ZNF804B: variants seen among roughly 807,000 people sequenced by gnomAD.
The protein encoded by ZNF804B is zinc finger 804B.
In ZNF804B, 80 loss-of-function variants were observed where a neutral mutation model predicts 101.4. The observed-to-expected ratio is 0.79, with a 90% CI of 0.66 to 0.95. ZNF804B has a LOEUF of 0.95. Ranked by LOEUF, ZNF804B falls within the 40% of genes least tolerant of loss-of-function variation. The probability of loss-of-function intolerance (pLI) is 0.00; values close to 1 mark genes in which losing one functional copy is unlikely to be tolerated. For synonymous variants in ZNF804B, 622 were observed against 558.8 expected (o/e 1.11, Z -1.59); for missense variants, 1,673 against 1,561.9 (o/e 1.07, Z -1.20).
chr7:89,150,712 A>G (rs962530140), intron 1 of ZNF804B, among the ~76,000 whole-genome samples: 5 of 152,104 alleles, frequency 3.3e-5, no homozygotes, highest in Non-Finnish European at 7.4e-5. Context: ...TGAAATGCTT[A>G]CCTATCAGTG....
chr7:89,338,152 G>A lies in ZNF804B; in HGVS notation c.*1120G>A, dbSNP rs1020267831. 6.6e-6 allele frequency among the ~76,000 whole-genome samples: 1 copy of A among 152,010 alleles called. No homozygotes were observed. The highest frequency in any genetic ancestry group is 1.5e-5 in the Non-Finnish European group (1 of 67,948). On this transcript the variant is annotated 3_prime_UTR_variant, in exon 4 of 4. Coordinates refer to ENST00000333190, the MANE Select transcript of ZNF804B (RefSeq NM_181646.5). ...ATATTGGTGCATAATCCTACAGTTA[G>A]GTTTATTATTTTATGTTCTTAAGCA...
At chr7:88,894,566 C>A (rs887108701) in intron 1 of ZNF804B, among the ~76,000 whole-genome samples, 6 of 152,096 alleles carry the variant, frequency 3.9e-5, no homozygotes, top group African/African-American at 1.4e-4. Context: ...GAAAAACCAT[C>A]AGATAACAAT....
chr7:88,975,614 C>T (rs1430423656), intron 1 of ZNF804B, among the ~76,000 whole-genome samples: 1 of 151,312 alleles, frequency 6.6e-6, no homozygotes, highest in Non-Finnish European at 1.5e-5. Flanking sequence ...CATTCTTAAT[C>T]AGATTATGAA....
intron 2 of ZNF804B, among the ~76,000 whole-genome samples, chr7:89,278,483 G>T (rs1790026006): frequency 6.6e-6 from 1 of 150,716 alleles, no homozygotes; most frequent in South Asian, 2.1e-4. Context: ...TATGGTTTTA[G>T]GTCTAACGTT....
rs751577309 is a variant in ZNF804B, at chr7:89,218,235, G to C, written c.189G>C (p.Gln63His). 9.3e-6 allele frequency: 15 copies of C among 1,613,870 alleles called. No individual in the cohort carries two copies. The highest frequency in any genetic ancestry group is 1.3e-5 in the Non-Finnish European group (15 of 1,179,836). ...ANFYCELCDK[Q>H]YHKHQEFDNH... Reference sequence around the variant, plus strand: ...TTTACTGTGAATTATGTGACAAGCAGTATCACAAACACCAGGAGTTTGACA... The same window carrying C: ...TTTACTGTGAATTATGTGACAAGCACTATCACAAACACCAGGAGTTTGACA... The change falls in exon 2 of 4, where the codon CAG becomes CAC. Residue 63 changes from glutamine to histidine, a missense_variant. Physicochemically the swap from Gln to His is conservative, Grantham distance 24. Transcript: ENST00000333190.
At chr7:89,016,453 G>C (rs1480399428) in intron 1 of ZNF804B, among the ~76,000 whole-genome samples, 1 of 151,496 alleles carries the variant, frequency 6.6e-6, no homozygotes, top group Non-Finnish European at 1.5e-5. Flanking sequence ...TTTTCTTCTA[G>C]GGTTTTTATG....
At chr7:88,820,799 G>A (rs1287565449) in intron 1 of ZNF804B, among the ~76,000 whole-genome samples, 1 of 152,158 alleles carries the variant, frequency 6.6e-6, no homozygotes, top group Non-Finnish European at 1.5e-5. Flanking sequence ...GGGGGTGCTG[G>A]CAGTGACGGT....
At chr7:88,849,882 T>C (rs1312768377) in intron 1 of ZNF804B, among the ~76,000 whole-genome samples, 3 of 151,988 alleles carry the variant, frequency 2.0e-5, no homozygotes, top group Non-Finnish European at 2.9e-5. Context: ...TTTAAACTTA[T>C]GGAGTTAAGT....
At chr7:89,251,410 C>T (rs535327532) in intron 2 of ZNF804B, among the ~76,000 whole-genome samples, 2 of 152,034 alleles carry the variant, frequency 1.3e-5, no homozygotes, top group Admixed American at 6.5e-5. Flanking sequence ...GTGAAAGAAA[C>T]AAGACATCTA....
chr7:88,922,555 A>G (rs1182022518), intron 1 of ZNF804B, among the ~76,000 whole-genome samples: 2 of 151,956 alleles, frequency 1.3e-5, no homozygotes, highest in Admixed American at 1.3e-4. Context: ...ATTCTTGTCA[A>G]CCCTTATACA....
intron 1 of ZNF804B, among the ~76,000 whole-genome samples, chr7:89,095,735 A>G (rs923939402): frequency 6.6e-6 from 1 of 152,222 alleles, no homozygotes; most frequent in African/African-American, 2.4e-5. Context: ...GGTATAAAAT[A>G]TTTGCATTTA....
intron 1 of ZNF804B, among the ~76,000 whole-genome samples, chr7:88,870,401 A>AAAAAAAAAAAAAAAAAAG (rs1791804362): frequency 8.1e-6 from 1 of 122,848 alleles, no homozygotes; most frequent in Non-Finnish European, 1.7e-5. Context: ...AAAAAAAAAA[A>AAAAAAAAAAAAAAAAAAG]AAAAAAGGTG....
At chr7:89,144,942 T>C (rs946001785) in intron 1 of ZNF804B, among the ~76,000 whole-genome samples, 3 of 151,642 alleles carry the variant, frequency 2.0e-5, no homozygotes, top group African/African-American at 7.3e-5. Flanking sequence ...TCCATCTCTA[T>C]AGAAAATATA....
chr7:88,990,644 C>G (rs1027841609), intron 1 of ZNF804B, among the ~76,000 whole-genome samples: 9 of 152,050 alleles, frequency 5.9e-5, no homozygotes, highest in Non-Finnish European at 5.9e-5. Context: ...TTGATTTTCT[C>G]CAACAGTTTC....
At chr7:89,232,200 C>T (rs1367494901) in intron 2 of ZNF804B, among the ~76,000 whole-genome samples, 1 of 152,052 alleles carries the variant, frequency 6.6e-6, no homozygotes, top group East Asian at 1.9e-4. Context: ...GTGGTGCTTG[C>T]TCTTTATTCT....
chr7:89,110,015 T>G (rs2189060), intron 1 of ZNF804B, among the ~76,000 whole-genome samples: 56,613 of 151,952 alleles, frequency 0.37, 11,269 homozygotes, highest in African/African-American at 0.53. Context: ...ATACACAGCA[T>G]TTGCCTTTGA....
At chr7:89,011,962 G>C (rs1788470717) in intron 1 of ZNF804B, among the ~76,000 whole-genome samples, 2 of 152,178 alleles carry the variant, frequency 1.3e-5, no homozygotes. Flanking sequence ...CCTAGAAGAG[G>C]TTCTCAATGA....
rs138597228 is a variant in ZNF804B, at chr7:88,839,552, C to T, written c.108+79468C>T. On this transcript the variant is annotated intron_variant, in intron 1 of 3. Transcript: ENST00000333190. Reference sequence around the variant, plus strand: ...AAGCTAACTACTTTGACTTTCTTAGCTTCAAGAAATTGAAATAATTAGATT... The same window carrying T: ...AAGCTAACTACTTTGACTTTCTTAGTTTCAAGAAATTGAAATAATTAGATT... 7.2e-4 allele frequency among the ~76,000 whole-genome samples: 110 copies of T among 151,978 alleles called. No individual in the cohort carries two copies. In the East Asian group the frequency reaches 0.02, roughly 27 times the overall value.
At chr7:88,809,346 TCTATCTATCTAC>T (rs1214600337) in intron 1 of ZNF804B, among the ~76,000 whole-genome samples, 54 of 97,674 alleles carry the variant, frequency 5.5e-4, no homozygotes, top group African/African-American at 1.8e-3. Context: ...TATCTATCTA[TCTATCTATCTAC>T]CTATCTATCT....
Sources: allele counts gnomAD v4.1 joint callset (sites outside exome capture counted in the v4.1 genomes callset), GRCh38; gene constraint gnomAD v4.1.1; transcripts MANE v1.5; gene names NCBI Gene and HGNC (gene_info 2026-07-23, HGNC 2026-07-21).